Variants in HDAC4 observed in about 807,000 individuals in gnomAD.
The protein encoded by HDAC4 is histone deacetylase A.
HDAC4 carries 16 observed loss-of-function variants against 135.1 expected under a neutral mutation model. That is an observed-to-expected ratio of 0.12 (90% CI 0.08 to 0.18). The LOEUF is 0.18. Among genes scored for constraint, HDAC4 ranks in the 10% least tolerant of loss-of-function variants. The pLI is 1.00. For missense variants in HDAC4, 1,143 were observed against 1,511.8 expected (o/e 0.76, Z 4.05); for synonymous variants, 685 against 653.4 (o/e 1.05, Z -0.74).
At chr2:239,234,781 G>T (rs188364546) in intron 3 of HDAC4, among the ~76,000 whole-genome samples, 35 of 152,300 alleles carry the variant, frequency 2.3e-4, no homozygotes, top group African/African-American at 8.4e-4. Flanking sequence ...GGCAGGTCTC[G>T]ACAGGCAGGG....
At chr2:239,323,372 A>G (rs2053375287) in intron 2 of HDAC4, among the ~76,000 whole-genome samples, 1 of 152,180 alleles carries the variant, frequency 6.6e-6, no homozygotes, top group Non-Finnish European at 1.5e-5. Context: ...CTGGCAGGGT[A>G]AAGAGAGCAT....
chr2:239,154,558 G>C (rs2042305613), intron 7 of HDAC4: 1 of 152,172 alleles, frequency 6.6e-6, no homozygotes, highest in Non-Finnish European at 1.5e-5. Flanking sequence ...TTCCGGGTAG[G>C]CATGTTCCTT....
chr2:239,078,472 A>G (rs529878137), intron 22 of HDAC4, among the ~76,000 whole-genome samples: 1 of 152,324 alleles, frequency 6.6e-6, no homozygotes, highest in Non-Finnish European at 1.5e-5. Flanking sequence ...CTTCCCCATC[A>G]TCGGATGCCC....
At chr2:239,378,694 G>A (rs1468948181) in intron 1 of HDAC4, among the ~76,000 whole-genome samples, 6 of 151,846 alleles carry the variant, frequency 4.0e-5, no homozygotes, top group African/African-American at 1.5e-4. Flanking sequence ...CAATGAACCC[G>A]GGAACCAATA....
At chr2:239,071,607 T>C (rs2034205291) in intron 22 of HDAC4, among the ~76,000 whole-genome samples, 1 of 152,068 alleles carries the variant, frequency 6.6e-6, no homozygotes, top group Admixed American at 6.6e-5. Context: ...AGCCTGCTAC[T>C]GCTGTGACTG....
intron 2 of HDAC4, chr2:239,298,439 C>G (rs2052043595): frequency 8.6e-7 from 1 of 1,157,534 alleles, no homozygotes; most frequent in Admixed American, 3.9e-5. Context: ...TGCATGCACA[C>G]CGTGGATACT....
intron 12 of HDAC4, among the ~76,000 whole-genome samples, chr2:239,125,954 G>C (rs1016111866): frequency 6.6e-6 from 1 of 152,266 alleles, no homozygotes; most frequent in Non-Finnish European, 1.5e-5. Context: ...TGCTTACCCT[G>C]TACGCTGCTC....
At chr2:239,228,693 T>G (rs773763866) in intron 3 of HDAC4, among the ~76,000 whole-genome samples, 54 of 152,088 alleles carry the variant, frequency 3.6e-4, no homozygotes, top group Non-Finnish European at 3.4e-4. Flanking sequence ...GAACAGACCT[T>G]GAAAAATAAC....
intron 22 of HDAC4, among the ~76,000 whole-genome samples, chr2:239,072,087 G>T (rs967741125): frequency 6.6e-6 from 1 of 152,136 alleles, no homozygotes; most frequent in Non-Finnish European, 1.5e-5. Flanking sequence ...AAGTATCAAT[G>T]ATTTCACCAC....
At chr2:239,089,886 C>T (rs550148372) in intron 18 of HDAC4, 123 bp downstream of exon 18, 14 of 760,480 alleles carry the variant, frequency 1.8e-5, no homozygotes, top group African/African-American at 8.5e-5. Flanking sequence ...GTGGGGTCCA[C>T]GCCTCCCCAT....
chr2:239,298,178 G>A, intron 2 of HDAC4: 1 of 1,283,972 alleles, frequency 7.8e-7, no homozygotes, highest in South Asian at 1.2e-5. Context: ...AACATTTGCT[G>A]ACAGCAAGCT....
intron 2 of HDAC4, chr2:239,298,119 G>T: frequency 1.0e-6 from 1 of 987,566 alleles, no homozygotes; most frequent in Non-Finnish European, 1.4e-6. Context: ...AAAAATTAAT[G>T]GACTAAAACA....
intron 2 of HDAC4, among the ~76,000 whole-genome samples, chr2:239,270,321 G>A (rs1054420916): frequency 2.0e-5 from 3 of 152,200 alleles, no homozygotes; most frequent in African/African-American, 4.8e-5. Flanking sequence ...GAAAGAACTC[G>A]CTGTGGCCTC....
intron 2 of HDAC4, among the ~76,000 whole-genome samples, chr2:239,351,526 A>G (rs1387167443): frequency 1.3e-5 from 2 of 152,244 alleles, no homozygotes; most frequent in Non-Finnish European, 2.9e-5. Flanking sequence ...AGACACTTTG[A>G]GCCATAGCGC....
intron 2 of HDAC4, among the ~76,000 whole-genome samples, chr2:239,315,888 T>G (rs1334249107): frequency 2.0e-5 from 3 of 152,140 alleles, no homozygotes; most frequent in Non-Finnish European, 2.9e-5. Flanking sequence ...AACAGTAAGT[T>G]TGATACATGG....
At chr2:239,236,941 T>A (rs1035799820) in intron 2 of HDAC4, among the ~76,000 whole-genome samples, 5 of 152,318 alleles carry the variant, frequency 3.3e-5, no homozygotes, top group Non-Finnish European at 4.4e-5. Flanking sequence ...GCAACCACAT[T>A]ATACCCACTC....
intron 7 of HDAC4, chr2:239,154,838 G>A (rs1388965753): frequency 2.0e-5 from 3 of 152,228 alleles, no homozygotes; most frequent in African/African-American, 7.2e-5. Flanking sequence ...AGAAGCATCA[G>A]TAAGAACCAC....
chr2:239,265,419 C>T (rs1408555309), intron 2 of HDAC4, among the ~76,000 whole-genome samples: 1 of 152,278 alleles, frequency 6.6e-6, no homozygotes, highest in Non-Finnish European at 1.5e-5. Flanking sequence ...CAAGGCCTCC[C>T]ACTCAGAAAC....
Position 239,303,201 on chromosome 2 carries a change from TG to T in HDAC4, c.22+49476del, listed in dbSNP as rs1328872483. 1.3e-5 allele frequency among the ~76,000 whole-genome samples: 2 copies of T among 152,188 alleles called. No homozygotes were observed. Among genetic ancestry groups the T allele is most frequent in the African/African-American group, 4.8e-5 (2 of 41,434 alleles). Reference sequence around the variant, plus strand: ...GGCCTGTTCCCATCCCACACCCGGCTGCTCAGGCCTGGGGACAGGAGGGCAC... The same window carrying T: ...GGCCTGTTCCCATCCCACACCCGGCTCTCAGGCCTGGGGACAGGAGGGCAC... On this transcript the variant is annotated intron_variant, in intron 2 of 26. Transcript: ENST00000543185. This position sits in a 1 kb window ranked among gnomAD's most constrained non-coding sequence, Gnocchi z 5.1.
Sources: gnomAD v4.1 joint callset for allele counts (sites outside exome capture counted in the v4.1 genomes callset) on GRCh38, gnomAD v4.1.1 for gene constraint, Gnocchi (gnomAD v3.1) non-coding constraint, MANE v1.5 for transcripts, NCBI Gene and HGNC (gene_info 2026-07-23, HGNC 2026-07-21) for gene names.